The following QKI variants were observed in gnomAD, a reference collection of about 807,000 sequenced individuals.
QKI encodes the protein KH domain-containing RNA-binding protein QKI.
In QKI, 10 loss-of-function variants were observed where a neutral mutation model predicts 39.0. That is an observed-to-expected ratio of 0.26 (90% CI 0.16 to 0.43). The LOEUF (loss-of-function observed/expected upper bound fraction) is 0.43, where lower values mean the gene tolerates loss of function less well. Among genes scored for constraint, QKI ranks in the 20% least tolerant of loss-of-function variants. The pLI is 1.00. For synonymous variants in QKI, 204 were observed against 155.4 expected, an observed-to-expected ratio of 1.31 and a Z score of -2.33; for missense variants, 218 against 428.0, an observed-to-expected ratio of 0.51 and a Z score of 4.33.
At chr6:163,423,962 G>C (rs962578666) in intron 1 of QKI, among the ~76,000 whole-genome samples, 1 of 152,196 alleles carries the variant, frequency 6.6e-6, no homozygotes, top group Non-Finnish European at 1.5e-5. Flanking sequence ...ATATCAGGTA[G>C]ATAACTGAAG....
chr6:163,511,629 A>G (rs966455917), intron 3 of QKI, among the ~76,000 whole-genome samples: 5 of 152,056 alleles, frequency 3.3e-5, no homozygotes, highest in Admixed American at 2.0e-4. Flanking sequence ...TGGAAAACAC[A>G]AATTATTACC....
chr6:163,441,894 G>C (rs1380284116), intron 1 of QKI, among the ~76,000 whole-genome samples: 1 of 152,216 alleles, frequency 6.6e-6, no homozygotes, highest in African/African-American at 2.4e-5. Context: ...GGCAAGGGGA[G>C]CCTGTGTGGA....
At chr6:163,556,524 A>C (rs988998085) in intron 4 of QKI, among the ~76,000 whole-genome samples, 3 of 133,434 alleles carry the variant, frequency 2.2e-5, no homozygotes, top group East Asian at 2.3e-4. Flanking sequence ...AAAAAAAAAA[A>C]CAACAAACAA....
At chr6:163,522,302 T>TC (rs1265733428) in intron 3 of QKI, among the ~76,000 whole-genome samples, 2 of 152,172 alleles carry the variant, frequency 1.3e-5, no homozygotes, top group Non-Finnish European at 2.9e-5. Context: ...CACTTGCCTG[T>TC]CATAAACCTT....
At chr6:163,507,616 G>T (rs114766986) in intron 3 of QKI, among the ~76,000 whole-genome samples, 4,236 of 152,274 alleles carry the variant, frequency 0.028, 192 homozygotes, top group African/African-American at 0.096. Flanking sequence ...AGGATTATAT[G>T]TGCAGAGTAG....
At chr6:163,529,888 A>C (rs1780746310) in intron 3 of QKI, among the ~76,000 whole-genome samples, 1 of 152,238 alleles carries the variant, frequency 6.6e-6, no homozygotes, top group Non-Finnish European at 1.5e-5. Flanking sequence ...ACAGATTTGC[A>C]GCAGGGAGGT....
At position 163,478,903 on chromosome 6, in the gene QKI, C is replaced by G; in HGVS notation, c.402+7C>G. 1 of 1,578,322 alleles carries G rather than the reference C, an allele frequency of 6.3e-7. No homozygotes were observed. ...AATGAGGGATAAAAAAAAGGTAAGT[C>G]CTTGAAAATGGACTAAGTCTTTATG... On this transcript the variant is annotated splice_region_variant and intron_variant, in intron 3 of 7. Coordinates refer to ENST00000361752, the MANE Select transcript of QKI (RefSeq NM_006775.3).
At chr6:163,466,914 A>G (rs1317179565) in intron 2 of QKI, among the ~76,000 whole-genome samples, 1 of 152,206 alleles carries the variant, frequency 6.6e-6, no homozygotes, top group African/African-American at 2.4e-5. Context: ...CAGCAAAGAA[A>G]CAATCAACAA....
rs1324102871 is a variant in QKI, at chr6:163,577,680, A to G, written c.*6970A>G. ...CCCCCCGGCTCTCTGGCTCCTGTGG[A>G]TATCTGTGCTTGTTTCCTGGTCCAG... On this transcript the variant is annotated 3_prime_UTR_variant, in exon 8 of 8. Coordinates refer to ENST00000361752, the MANE Select transcript of QKI (RefSeq NM_006775.3). 1 of 152,256 alleles carries G rather than the reference A, an allele frequency of 6.6e-6. No individual in the cohort carries two copies. Among genetic ancestry groups the G allele is most frequent in the Non-Finnish European group, 1.5e-5 (1 of 68,048 alleles). The allele number at this position is 152,256 out of a possible 1,614,324, so 9.4% of individuals were successfully genotyped here. A position where few individuals can be genotyped will look rare whatever the true frequency, so the allele number is the denominator to read the frequency against.
intron 2 of QKI, among the ~76,000 whole-genome samples, chr6:163,475,312 G>A (rs75686191): frequency 1.1e-4 from 17 of 152,162 alleles, no homozygotes; most frequent in Non-Finnish European, 2.5e-4. Context: ...ATTTAAAATG[G>A]TTGCATTTGT....
chr6:163,503,845 G>T (rs2103671), intron 3 of QKI, among the ~76,000 whole-genome samples: 119,326 of 151,796 alleles, frequency 0.79, 47,082 homozygotes, highest in East Asian at 1. Flanking sequence ...GTTCAAGCAA[G>T]TCTCCTGGCT....
At chr6:163,451,648 A>AT (rs902910858) in intron 1 of QKI, among the ~76,000 whole-genome samples, 4 of 152,044 alleles carry the variant, frequency 2.6e-5, no homozygotes, top group African/African-American at 9.7e-5. Context: ...ATGTTGGGAG[A>AT]TTTTTTGTAC....
chr6:163,526,850 A>G (rs887168946), intron 3 of QKI, among the ~76,000 whole-genome samples: 2 of 152,292 alleles, frequency 1.3e-5, no homozygotes, highest in African/African-American at 4.8e-5. Context: ...TATTGGGGTT[A>G]TATAAATTTA....
intron 1 of QKI, among the ~76,000 whole-genome samples, chr6:163,426,927 A>T (rs1788451144): frequency 6.6e-6 from 1 of 152,142 alleles, no homozygotes; most frequent in Non-Finnish European, 1.5e-5. Context: ...ATTAATTTTG[A>T]TGTTAAAATT....
In QKI at chr6:163,566,741, C is replaced by T; in HGVS notation, c.955C>T (p.Arg319Ter). The T allele has an allele frequency of 6.2e-7, 1 of 1,613,646 alleles. No homozygotes were observed. Among genetic ancestry groups the T allele is most frequent in the Non-Finnish European group, 8.5e-7 (1 of 1,179,804 alleles). ...GVLGAVATKVRRHDMRVHPYQ... is the reference protein window; with the variant it reads ...GVLGAVATKV Reference sequence around the variant, plus strand: ...ACTAGGTGCGGTGGCTACTAAAGTTCGAAGGCACGATATGCGTGTCCATCC... The same window carrying T: ...ACTAGGTGCGGTGGCTACTAAAGTTTGAAGGCACGATATGCGTGTCCATCC... The change falls in exon 7 of 8, where the codon CGA becomes TGA. Residue 319 changes from arginine (R) to a stop codon, truncating the protein, a stop_gained. Transcript: ENST00000361752. LOFTEE classifies it high-confidence loss of function.
chr6:163,521,795 A>G (rs1395508670), intron 3 of QKI, among the ~76,000 whole-genome samples: 2 of 152,174 alleles, frequency 1.3e-5, no homozygotes, highest in Non-Finnish European at 2.9e-5. Flanking sequence ...TGCTGGGATT[A>G]CAGGTGTGAG....
intron 3 of QKI, among the ~76,000 whole-genome samples, chr6:163,518,249 C>T (rs892650653): frequency 6.6e-6 from 1 of 152,092 alleles, no homozygotes; most frequent in African/African-American, 2.4e-5. Flanking sequence ...TTCTTTATTT[C>T]CTTATTCAAC....
In QKI at chr6:163,470,757, G is replaced by A. The variant is rs73015391; in HGVS notation, c.286-8023G>A. Among the ~76,000 whole-genome samples the A allele has an allele frequency of 5.9e-3, 906 of 152,270 alleles. 5 individuals are homozygous for A. The highest frequency in any genetic ancestry group is 8.9e-3 in the Non-Finnish European group (603 of 68,004). On this transcript the variant is annotated intron_variant, in intron 2 of 7. Coordinates refer to ENST00000361752, the MANE Select transcript of QKI (RefSeq NM_006775.3). The stretch of plus-strand genomic sequence containing the variant: ...TTATTTACCTACTATTAACAGGTGG[G>A]TTTAACAGAAGATTAGAAGCATTTG...
chr6:163,514,271 TA>T (rs1167850527), intron 3 of QKI, among the ~76,000 whole-genome samples: 2 of 152,084 alleles, frequency 1.3e-5, no homozygotes, highest in African/African-American at 4.8e-5. Context: ...ACACTGTAAG[TA>T]AGTGAAATCA....
Sources: gnomAD v4.1 joint callset for allele counts (sites outside exome capture counted in the v4.1 genomes callset) on GRCh38, gnomAD v4.1.1 for gene constraint, MANE v1.5 for transcripts, NCBI Gene and HGNC (gene_info 2026-07-23, HGNC 2026-07-21) for gene names.